The following FRMD4A variants were observed in gnomAD, a reference collection of about 807,000 sequenced individuals.
FRMD4A encodes the protein FERM domain containing 4A, also known as FERM domain-containing protein 4A.
FRMD4A carries 29 observed loss-of-function variants against 129.1 expected under a neutral mutation model. The observed-to-expected ratio is 0.22, with a 90% CI of 0.17 to 0.31. FRMD4A has a LOEUF of 0.31. Among genes scored for constraint, FRMD4A ranks in the 10% least tolerant of loss-of-function variants. The pLI is 1.00. For synonymous variants in FRMD4A, 634 were observed against 571.6 expected, an observed-to-expected ratio of 1.11 and a Z score of -1.56; for missense variants, 1,272 against 1,375.8, an observed-to-expected ratio of 0.92 and a Z score of 1.19.
intron 12 of FRMD4A, among the ~76,000 whole-genome samples, chr10:13,715,017 C>T (rs898440763): frequency 7.3e-5 from 11 of 151,120 alleles, no homozygotes; most frequent in Non-Finnish European, 1.2e-4. Flanking sequence ...CCAGCCTGGG[C>T]GACAGAGGAA....
At chr10:14,100,554 T>C (rs75919088) in intron 2 of FRMD4A, among the ~76,000 whole-genome samples, 5,359 of 152,232 alleles carry the variant, frequency 0.035, 143 homozygotes, top group Non-Finnish European at 0.052. Context: ...AACCTTTCCA[T>C]ATGCAGTTAC....
intron 2 of FRMD4A, among the ~76,000 whole-genome samples, chr10:14,232,937 G>T (rs1028947582): frequency 6.6e-6 from 1 of 152,066 alleles, no homozygotes; most frequent in African/African-American, 2.4e-5. Context: ...GATTACTCTG[G>T]CTAGGTCTTC....
At chr10:14,157,539 C>T (rs1350581683) in intron 2 of FRMD4A, among the ~76,000 whole-genome samples, 2 of 152,186 alleles carry the variant, frequency 1.3e-5, no homozygotes, top group African/African-American at 2.4e-5. Context: ...GCACTGATCA[C>T]GGTGACTGGA....
At chr10:13,956,635 T>C (rs547045942) in intron 2 of FRMD4A, among the ~76,000 whole-genome samples, 4 of 152,350 alleles carry the variant, frequency 2.6e-5, no homozygotes, top group South Asian at 2.1e-4. Flanking sequence ...TACGCCATGA[T>C]GCTAATCTAA....
At chr10:14,128,798 C>A (rs1475215002) in intron 2 of FRMD4A, among the ~76,000 whole-genome samples, 1 of 152,102 alleles carries the variant, frequency 6.6e-6, no homozygotes, top group Non-Finnish European at 1.5e-5. Context: ...GACCCGACAC[C>A]ACTTTCAGCA....
intron 2 of FRMD4A, among the ~76,000 whole-genome samples, chr10:13,884,112 A>ACACACACACACT (rs1564969797): frequency 7.7e-6 from 1 of 129,778 alleles, no homozygotes; most frequent in Non-Finnish European, 1.6e-5. Flanking sequence ...AAACACACAC[A>ACACACACACACT]CACACACACT....
intron 2 of FRMD4A, among the ~76,000 whole-genome samples, chr10:13,975,888 G>C (rs1296430658): frequency 2.6e-5 from 4 of 152,168 alleles, no homozygotes; most frequent in Non-Finnish European, 5.9e-5. Flanking sequence ...GTGAACATGT[G>C]ACCTGGACCG....
intron 2 of FRMD4A, among the ~76,000 whole-genome samples, chr10:14,095,333 T>C (rs1836893514): frequency 6.6e-6 from 1 of 152,218 alleles, no homozygotes; most frequent in Non-Finnish European, 1.5e-5. Flanking sequence ...GCCTGGGTGC[T>C]TCCTGCTAGC....
rs116840943 is a variant in FRMD4A at position 14,164,810 on chromosome 10, C to T, written c.45+165248G>A. Among the ~76,000 whole-genome samples the T allele has an allele frequency of 3.7e-3, 570 of 152,312 alleles. 6 individuals carry two copies. Among genetic ancestry groups the T allele is most frequent in the East Asian group, 0.036 (184 of 5,180 alleles). On this transcript the variant is annotated intron_variant, in intron 2 of 24. Coordinates refer to ENST00000357447, the MANE Select transcript of FRMD4A (RefSeq NM_018027.5). ...TCAAGTTTGTCCAACCTGCAACCCACGATGGCTTTGAATGCAGCCCAACAC... is the reference window on the plus strand; with the variant it reads ...TCAAGTTTGTCCAACCTGCAACCCATGATGGCTTTGAATGCAGCCCAACAC...
At chr10:13,879,838 G>T (rs146422546) in intron 2 of FRMD4A, among the ~76,000 whole-genome samples, 1 of 143,632 alleles carries the variant, frequency 7.0e-6, no homozygotes, top group African/African-American at 2.6e-5. Context: ...CTTGAGATGG[G>T]TCTCACTATT....
intron 2 of FRMD4A, among the ~76,000 whole-genome samples, chr10:14,150,847 C>A (rs897044277): frequency 6.6e-6 from 1 of 152,132 alleles, no homozygotes; most frequent in Non-Finnish European, 1.5e-5. Flanking sequence ...AACACATCAG[C>A]GCTTTTAGAA....
At chr10:13,682,314 G>A (rs569697973) in intron 15 of FRMD4A, among the ~76,000 whole-genome samples, 42 of 152,148 alleles carry the variant, frequency 2.8e-4, no homozygotes, top group Admixed American at 1.7e-3. Context: ...AGTCCATTTC[G>A]TGGACAAGCA....
intron 2 of FRMD4A, among the ~76,000 whole-genome samples, chr10:14,224,595 T>C (rs959251681): frequency 7.2e-5 from 11 of 151,882 alleles, no homozygotes; most frequent in African/African-American, 2.7e-4. Flanking sequence ...CTGTGAAGAG[T>C]TTCAAAGTAT....
At chr10:14,258,780 T>C (rs991555646) in intron 2 of FRMD4A, among the ~76,000 whole-genome samples, 2 of 152,172 alleles carry the variant, frequency 1.3e-5, no homozygotes, top group Non-Finnish European at 2.9e-5. Flanking sequence ...TTTCCACCAA[T>C]GGTTGAACAG....
Position 14,242,662 on chromosome 10 carries a change from C to T in FRMD4A, c.45+87396G>A, listed in dbSNP as rs548746283. On this transcript the variant is annotated intron_variant, in intron 2 of 24. Transcript: ENST00000357447. The stretch of plus-strand genomic sequence containing the variant: ...AGGCAATAAATGCCAAATTAAGTCA[C>T]GATAGATGGAACACAAGAGGGACCC... Among the ~76,000 whole-genome samples, 5 of 152,216 alleles carry T rather than the reference C, an allele frequency of 3.3e-5. No homozygotes were observed. In the East Asian group the frequency reaches 5.8e-4, roughly 18 times the overall value.
intron 2 of FRMD4A, among the ~76,000 whole-genome samples, chr10:14,057,539 G>T (rs530482116): frequency 2.6e-5 from 4 of 151,640 alleles, no homozygotes; most frequent in Non-Finnish European, 5.9e-5. Context: ...GAAACCAAAG[G>T]CCTCCCTTCC....
chr10:14,280,982 ATTTTTT>A (rs772555677), intron 2 of FRMD4A, among the ~76,000 whole-genome samples: 17 of 76,552 alleles, frequency 2.2e-4, no homozygotes, highest in African/African-American at 2.7e-4. Context: ...ACTGGTTTCA[ATTTTTT>A]TTTTTTTTTT....
intron 2 of FRMD4A, among the ~76,000 whole-genome samples, chr10:14,249,953 C>A (rs193220146): frequency 6.6e-6 from 1 of 152,168 alleles, no homozygotes; most frequent in African/African-American, 2.4e-5. Context: ...AGATTATTTT[C>A]TTGTTTTTAC....
At chr10:13,693,852 T>C (rs1490285698) in intron 15 of FRMD4A, 46 bp downstream of exon 15, 9 of 1,593,454 alleles carry the variant, frequency 5.6e-6, no homozygotes, top group African/African-American at 1.3e-5. Flanking sequence ...CCCTCTGGGG[T>C]CCCAGCCATG....
Sources: gnomAD v4.1 joint callset for allele counts (sites outside exome capture counted in the v4.1 genomes callset) on GRCh38, gnomAD v4.1.1 for gene constraint, MANE v1.5 for transcripts, NCBI Gene and HGNC (gene_info 2026-07-23, HGNC 2026-07-21) for gene names.